Variants in GARIN2 observed in about 807,000 individuals in gnomAD.
GARIN2 encodes golgi associated RAB2 interactor family member 2, also known as Golgi-associated RAB2 interactor protein 2.
chr14:67,203,167 G>C, the GARIN2 span: 278 of 1,613,798 alleles, frequency 1.7e-4, no homozygotes, highest in Non-Finnish European at 2.3e-4. Flanking sequence ...TGTTTTTCCA[G>C]CTCCACCCAC....
the GARIN2 span, chr14:67,201,582 C>A: frequency 1.2e-4 from 53 of 454,196 alleles, no homozygotes; most frequent in Non-Finnish European, 2.0e-4. Flanking sequence ...TTGCTGGTCA[C>A]ATGCCACTGC....
At chr14:67,214,045 A>G in the GARIN2 span, among the ~76,000 whole-genome samples, 2 of 152,110 alleles carry the variant, frequency 1.3e-5, no homozygotes, top group South Asian at 4.2e-4. Context: ...GTTTGAGTTC[A>G]TTGTAGATTC....
At chr14:67,206,303 G>A in the GARIN2 span, among the ~76,000 whole-genome samples, 2 of 152,120 alleles carry the variant, frequency 1.3e-5, no homozygotes, top group African/African-American at 4.8e-5. Context: ...GTTGAGACTA[G>A]CCTGGCCAAC....
chr14:67,214,424 TC>T, the GARIN2 span, among the ~76,000 whole-genome samples: 6 of 152,354 alleles, frequency 3.9e-5, no homozygotes, highest in East Asian at 1.2e-3. Context: ...AAATAGGGAA[TC>T]CTTTCCCCAT....
At chr14:67,228,470 A>C in the GARIN2 span, 2 of 200,418 alleles carry the variant, frequency 1.0e-5, no homozygotes, top group Non-Finnish European at 1.8e-5. Flanking sequence ...AACACAGCTC[A>C]GGGAAAGACA....
At chr14:67,225,911 A>G in the GARIN2 span, among the ~76,000 whole-genome samples, 1 of 137,674 alleles carries the variant, frequency 7.3e-6, no homozygotes, top group South Asian at 2.3e-4. Context: ...CCTCCTTCAT[A>G]AAGCTAATGC....
At chr14:67,219,202 CTG>C in the GARIN2 span, among the ~76,000 whole-genome samples, 1 of 152,174 alleles carries the variant, frequency 6.6e-6, no homozygotes, top group Non-Finnish European at 1.5e-5. Flanking sequence ...CTTGTGATGA[CTG>C]TGGGATTCTC....
At chr14:67,192,413 C>T in the GARIN2 span, among the ~76,000 whole-genome samples, 1 of 151,724 alleles carries the variant, frequency 6.6e-6, no homozygotes, top group African/African-American at 2.4e-5. Context: ...GAACAATCAA[C>T]ATGTATTTTT....
chr14:67,227,441 A>C, the GARIN2 span: 1 of 96,406 alleles, frequency 1.0e-5, no homozygotes, highest in Non-Finnish European at 1.8e-5. Flanking sequence ...TGCTGTCTCA[A>C]AAAAAAAAAA....
the GARIN2 span, chr14:67,225,299 C>T: frequency 2.9e-6 from 4 of 1,385,018 alleles, no homozygotes; most frequent in Non-Finnish European, 3.8e-6. Flanking sequence ...TATAGGAATA[C>T]ATGATAGCTA....
chr14:67,196,055 T>C, the GARIN2 span, among the ~76,000 whole-genome samples: 1 of 152,080 alleles, frequency 6.6e-6, no homozygotes, highest in South Asian at 2.1e-4. Flanking sequence ...TAAATAATGC[T>C]TTCTATGGGA....
At chr14:67,202,689 TTA>T in the GARIN2 span, among the ~76,000 whole-genome samples, 3 of 152,188 alleles carry the variant, frequency 2.0e-5, no homozygotes, top group Admixed American at 2.0e-4. Flanking sequence ...TACTTGTCTT[TTA>T]TGTCAGTAAC....
At chr14:67,214,568 G>A in the GARIN2 span, among the ~76,000 whole-genome samples, 23 of 152,232 alleles carry the variant, frequency 1.5e-4, no homozygotes, top group East Asian at 4.4e-3. Flanking sequence ...GGTTACTGTA[G>A]CCTTGTAGTA....
chr14:67,201,501 ATCCTGGTGGCTCTGTC>A, the GARIN2 span: 2 of 455,880 alleles, frequency 4.4e-6, no homozygotes, highest in Admixed American at 2.4e-5. Flanking sequence ...TATTCATCTC[ATCCTGGTGGCTCTGTC>A]TCCTGGTGGC....
the GARIN2 span, among the ~76,000 whole-genome samples, chr14:67,221,135 A>G: frequency 0.031 from 4,715 of 152,338 alleles, 121 homozygotes; most frequent in Admixed American, 0.045. Context: ...AGCACAGAAA[A>G]TAAGCTTCTT....
the GARIN2 span, chr14:67,204,982 G>T: frequency 6.3e-7 from 1 of 1,579,634 alleles, no homozygotes; most frequent in Non-Finnish European, 8.6e-7. Context: ...AGTCATAGAA[G>T]TCAGAGAAGC....
At chr14:67,194,787 A>T in the GARIN2 span, among the ~76,000 whole-genome samples, 1 of 152,188 alleles carries the variant, frequency 6.6e-6, no homozygotes, top group Non-Finnish European at 1.5e-5. Flanking sequence ...TCTCTCGAGT[A>T]GCTGGGATTA....
chr14:67,225,181 C>T, the GARIN2 span: 10 of 1,574,842 alleles, frequency 6.3e-6, no homozygotes, highest in Middle Eastern at 1.7e-4. Context: ...CTGTCTGCCC[C>T]TTTCTCAAGG....
At chr14:67,218,801 A>G in the GARIN2 span, among the ~76,000 whole-genome samples, 1 of 151,974 alleles carries the variant, frequency 6.6e-6, no homozygotes. Context: ...GAGGGTGTGT[A>G]TGCAGCAGTT....
Sources: gnomAD v4.1 joint callset for allele counts (sites outside exome capture counted in the v4.1 genomes callset) on GRCh38, gnomAD v4.1.1 for gene constraint, MANE v1.5 for transcripts, NCBI Gene and HGNC (gene_info 2026-07-23, HGNC 2026-07-21) for gene names.